The following SLC35F1 variants were observed in gnomAD, a reference collection of about 807,000 sequenced individuals.
SLC35F1 encodes solute carrier family 35 member F1.
SLC35F1 carries 14 observed loss-of-function variants against 48.7 expected under a neutral mutation model. The observed-to-expected ratio is 0.29, with a 90% CI of 0.19 to 0.45. SLC35F1 has a LOEUF of 0.45. SLC35F1 is among the 20% of genes least tolerant of loss of function. The pLI is 1.00. For synonymous variants in SLC35F1, 190 were observed against 202.2 expected (o/e 0.94, Z 0.51); for missense variants, 404 against 500.0 (o/e 0.81, Z 1.83).
chr6:117,974,253 T>G (rs1366385995), intron 1 of SLC35F1, among the ~76,000 whole-genome samples: 1 of 152,206 alleles, frequency 6.6e-6, no homozygotes, highest in Non-Finnish European at 1.5e-5. Flanking sequence ...GGTCTTACTA[T>G]TTAGGAGCAG....
Position 118,074,382 on chromosome 6 carries a change from T to C in SLC35F1, c.174-80063T>C, listed in dbSNP as rs117709475. The stretch of plus-strand genomic sequence containing the variant: ...CACCTTGTGCAACCTGACTGTCAGG[T>C]CTGTAAAAGCCACTGTGTTTCTATA... On this transcript the variant is annotated intron_variant, in intron 1 of 7. Transcript: ENST00000360388. Among the ~76,000 whole-genome samples, 53 of 152,292 alleles carry C rather than the reference T, an allele frequency of 3.5e-4. 1 individual carries two copies. The East Asian group carries it at 8.9e-3, about 26-fold the overall frequency.
chr6:118,240,401 C>T (rs747612351), intron 3 of SLC35F1, among the ~76,000 whole-genome samples: 4 of 152,158 alleles, frequency 2.6e-5, no homozygotes, highest in Non-Finnish European at 4.4e-5. Context: ...AGCCTGGAGT[C>T]CCAAAACTCA....
intron 2 of SLC35F1, among the ~76,000 whole-genome samples, chr6:118,221,019 C>A (rs1775139904): frequency 6.6e-6 from 1 of 152,172 alleles, no homozygotes; most frequent in Admixed American, 6.5e-5. Context: ...TATTTGGCAT[C>A]TTTTCCTCTC....
chr6:118,136,957 T>C (rs112241686), intron 1 of SLC35F1, among the ~76,000 whole-genome samples: 2,969 of 152,346 alleles, frequency 0.019, 94 homozygotes, highest in African/African-American at 0.064. Context: ...GATTAGGCAA[T>C]ATCCATTCCT....
intron 1 of SLC35F1, among the ~76,000 whole-genome samples, chr6:118,148,898 T>C (rs775733071): frequency 2.0e-5 from 3 of 152,094 alleles, no homozygotes; most frequent in East Asian, 3.9e-4. Flanking sequence ...AAAAACAACA[T>C]GATTTTTGTC....
chr6:118,301,651 A>G, intron 7 of SLC35F1, among the ~76,000 whole-genome samples: 1 of 152,236 alleles, frequency 6.6e-6, no homozygotes, highest in Non-Finnish European at 1.5e-5. Flanking sequence ...ATGTTTAGGC[A>G]TCTATATTGG....
At chr6:118,191,262 C>T (rs1178263129) in intron 2 of SLC35F1, among the ~76,000 whole-genome samples, 1 of 152,148 alleles carries the variant, frequency 6.6e-6, no homozygotes, top group Non-Finnish European at 1.5e-5. Context: ...ATAAGGTTAT[C>T]TATGTATAAG....
chr6:118,225,836 A>G (rs1321157160), intron 2 of SLC35F1, among the ~76,000 whole-genome samples: 2 of 148,552 alleles, frequency 1.3e-5, no homozygotes, highest in Non-Finnish European at 3.0e-5. Flanking sequence ...AGATCAAGCC[A>G]CTGCACTCCA....
intron 2 of SLC35F1, among the ~76,000 whole-genome samples, chr6:118,189,637 A>G (rs1774706288): frequency 6.6e-6 from 1 of 152,196 alleles, no homozygotes; most frequent in Non-Finnish European, 1.5e-5. Context: ...TAAAAGAAAA[A>G]TTTTAGACAA....
intron 1 of SLC35F1, among the ~76,000 whole-genome samples, chr6:118,145,136 T>G (rs1165474430): frequency 6.6e-6 from 1 of 152,186 alleles, no homozygotes. Flanking sequence ...ACTCCCTACC[T>G]CTCCATACCC....
At chr6:118,200,048 C>A (rs1774852636) in intron 2 of SLC35F1, among the ~76,000 whole-genome samples, 1 of 152,004 alleles carries the variant, frequency 6.6e-6, no homozygotes, top group South Asian at 2.1e-4. Flanking sequence ...AGTTTACATA[C>A]ATGTGAAGAC....
Position 118,008,041 on chromosome 6 carries a change from G to A in SLC35F1, c.173+100142G>A, listed in dbSNP as rs1420954667. Among the ~76,000 whole-genome samples, 3 of 152,066 alleles carry A rather than the reference G, an allele frequency of 2.0e-5. No individual in the cohort carries two copies. The East Asian group carries it at 5.8e-4, about 29-fold the overall frequency. ...TCTCCATAGGCCCTTTCAACACATG[G>A]ATATTTGCTCTTTCCAGGACCAGTG... On this transcript the variant is annotated intron_variant, in intron 1 of 7. Transcript: ENST00000360388.
At chr6:118,184,631 A>T (rs1389012505) in intron 2 of SLC35F1, among the ~76,000 whole-genome samples, 1 of 152,192 alleles carries the variant, frequency 6.6e-6, no homozygotes, top group African/African-American at 2.4e-5. Context: ...AATATGTACC[A>T]TACATGTCTG....
chr6:118,272,737 G>GTATA (rs1554243222), intron 4 of SLC35F1, among the ~76,000 whole-genome samples: 18 of 120,250 alleles, frequency 1.5e-4, no homozygotes, highest in Middle Eastern at 5.7e-3. Context: ...ATATGTGTGT[G>GTATA]TATATATATA....
intron 1 of SLC35F1, among the ~76,000 whole-genome samples, chr6:118,052,837 G>GA (rs1292516629): frequency 6.6e-6 from 1 of 152,050 alleles, no homozygotes; most frequent in African/African-American, 2.4e-5. Flanking sequence ...ATTTTTTCTA[G>GA]AAAAATGTAG....
At chr6:117,969,775 G>T (rs1776616415) in intron 1 of SLC35F1, among the ~76,000 whole-genome samples, 1 of 152,024 alleles carries the variant, frequency 6.6e-6, no homozygotes, top group Non-Finnish European at 1.5e-5. Context: ...ACTTTTTGGT[G>T]TATGTTTTTC....
At chr6:118,255,670 A>C (rs1407571697) in intron 3 of SLC35F1, among the ~76,000 whole-genome samples, 1 of 152,232 alleles carries the variant, frequency 6.6e-6, no homozygotes, top group Non-Finnish European at 1.5e-5. Flanking sequence ...AGTTCGGATG[A>C]CTGGCACAAG....
chr6:118,128,441 GA>G (rs757567490), intron 1 of SLC35F1, among the ~76,000 whole-genome samples: 1 of 150,798 alleles, frequency 6.6e-6, no homozygotes, highest in Non-Finnish European at 1.5e-5. Flanking sequence ...ACTGGATTAA[GA>G]AAATGTGACA....
At chr6:118,069,414 AAG>A (rs2114291909) in intron 1 of SLC35F1, among the ~76,000 whole-genome samples, 1 of 152,296 alleles carries the variant, frequency 6.6e-6, no homozygotes, top group East Asian at 1.9e-4. Flanking sequence ...GAATATGAGA[AAG>A]AGAGAAGAAT....
Sources: gnomAD v4.1 joint callset for allele counts (sites outside exome capture counted in the v4.1 genomes callset) on GRCh38, gnomAD v4.1.1 for gene constraint, MANE v1.5 for transcripts, NCBI Gene and HGNC (gene_info 2026-07-23, HGNC 2026-07-21) for gene names.